The following SNX10 variants were observed in gnomAD, a reference collection of about 807,000 sequenced individuals.
The protein encoded by SNX10 is sorting nexin-10.
Under a neutral mutation model 28.5 loss-of-function variants are expected in SNX10, and 25 were observed. The observed-to-expected ratio is 0.88, with a 90% CI of 0.64 to 1.22. SNX10 has a LOEUF of 1.22. Ranked by LOEUF, SNX10 falls within the 50% of genes most tolerant of loss-of-function variation. SNX10 has a pLI of 0.00. For synonymous variants in SNX10, 62 were observed against 81.4 expected (o/e 0.76, Z 1.28); for missense variants, 223 against 242.6 (o/e 0.92, Z 0.54).
chr7:26,328,055 C>A (rs1169488608), intron 1 of SNX10, among the ~76,000 whole-genome samples: 1 of 152,088 alleles, frequency 6.6e-6, no homozygotes, highest in African/African-American at 2.4e-5. Flanking sequence ...ATTCAAAAAT[C>A]ATTTACTGAA....
At chr7:26,300,081 C>T (rs916788721) in intron 1 of SNX10, among the ~76,000 whole-genome samples, 4 of 152,020 alleles carry the variant, frequency 2.6e-5, no homozygotes, top group Non-Finnish European at 5.9e-5. Flanking sequence ...CATGGTGGTG[C>T]ATGCCTGTAA....
At chr7:26,343,458 A>G (rs1045051371) in intron 1 of SNX10, among the ~76,000 whole-genome samples, 1 of 152,202 alleles carries the variant, frequency 6.6e-6, no homozygotes, top group Non-Finnish European at 1.5e-5. Flanking sequence ...GTTTAATTAC[A>G]CAAGGAAACA....
At chr7:26,349,061 A>G (rs1788496662) in intron 2 of SNX10, among the ~76,000 whole-genome samples, 1 of 152,248 alleles carries the variant, frequency 6.6e-6, no homozygotes, top group South Asian at 2.1e-4. Flanking sequence ...CAAGCCTTTC[A>G]TATCCTAGTG....
intron 1 of SNX10, among the ~76,000 whole-genome samples, chr7:26,321,730 C>T (rs1787317142): frequency 6.6e-6 from 1 of 152,024 alleles, no homozygotes; most frequent in South Asian, 2.1e-4. Flanking sequence ...TCATTATCTT[C>T]TCCATCAGGG....
rs1562816995 is a variant in SNX10, at chr7:26,358,803, G to GTGTTTTTTTTTTTTTTTGTTTT, written c.25-2155_25-2154insGTTTTTGTTTTTTTTTTTTTTT. Among the ~76,000 whole-genome samples, 55 of 82,922 alleles carry GTGTTTTTTTTTTTTTTTGTTTT rather than the reference G, an allele frequency of 6.6e-4. 1 individual carries two copies. The East Asian group carries it at 0.012, about 18-fold the overall frequency. The allele number at this position is 82,922 out of a possible 152,430, so 54.4% of individuals were successfully genotyped here. On this transcript the variant is annotated intron_variant, in intron 2 of 6. Coordinates refer to ENST00000338523, the MANE Select transcript of SNX10 (RefSeq NM_013322.3). ...AAGAGCATCACTATAGTGTTATCTTGTGTTTTTTTTTTTTTTTTTTTGACC... is the reference window on the plus strand; with the variant it reads ...AAGAGCATCACTATAGTGTTATCTTGTGTTTTTTTTTTTTTTTGTTTTTGTTTTTTTTTTTTTTTTTTTGACC...
intron 1 of SNX10, among the ~76,000 whole-genome samples, chr7:26,317,172 T>G (rs1180750872): frequency 6.6e-6 from 1 of 152,162 alleles, no homozygotes; most frequent in East Asian, 1.9e-4. Flanking sequence ...ATTCTTATGA[T>G]AAGAGTTACA....
At chr7:26,345,159 T>C (rs1161031961) in intron 1 of SNX10, among the ~76,000 whole-genome samples, 1 of 152,212 alleles carries the variant, frequency 6.6e-6, no homozygotes, top group East Asian at 1.9e-4. Flanking sequence ...AAAGACTCTT[T>C]TTTCAAATAA....
intron 1 of SNX10, among the ~76,000 whole-genome samples, chr7:26,315,444 G>A (rs567364176): frequency 1.3e-4 from 20 of 152,168 alleles, no homozygotes; most frequent in African/African-American, 3.9e-4. Context: ...TGAGGTGGGC[G>A]GATCACAAGG....
chr7:26,340,119 T>C (rs571017103), intron 1 of SNX10, among the ~76,000 whole-genome samples: 1 of 152,282 alleles, frequency 6.6e-6, no homozygotes, highest in Non-Finnish European at 1.5e-5. Context: ...TTTTGGTCAG[T>C]AGTTTACTTG....
chr7:26,365,295 G>C, intron 5 of SNX10, 150 bp downstream of exon 5: 1 of 552,870 alleles, frequency 1.8e-6, no homozygotes, highest in East Asian at 2.8e-5. Context: ...TCCTATATTA[G>C]AGCACCATCT....
chr7:26,336,730 A>G (rs750030769), intron 1 of SNX10, among the ~76,000 whole-genome samples: 124 of 152,166 alleles, frequency 8.1e-4, no homozygotes, highest in Admixed American at 1.4e-3. Flanking sequence ...AATCAACAAT[A>G]CTGTTTGAAC....
intron 2 of SNX10, among the ~76,000 whole-genome samples, chr7:26,353,756 C>A (rs924843281): frequency 6.6e-6 from 1 of 152,108 alleles, no homozygotes; most frequent in African/African-American, 2.4e-5. Context: ...CCAGCCCACA[C>A]TGGTAAATTC....
At chr7:26,362,138 A>T (rs1186592478) in intron 3 of SNX10, among the ~76,000 whole-genome samples, 3 of 152,092 alleles carry the variant, frequency 2.0e-5, no homozygotes, top group African/African-American at 7.2e-5. Context: ...TAAAAGAAAA[A>T]CTCAGAACTG....
At chr7:26,329,715 C>T (rs112106746) in intron 1 of SNX10, among the ~76,000 whole-genome samples, 28 of 152,282 alleles carry the variant, frequency 1.8e-4, no homozygotes, top group African/African-American at 6.3e-4. Context: ...AGGCAATGAT[C>T]ACAGCGTTAC....
chr7:26,320,122 C>T (rs892305903), intron 1 of SNX10, among the ~76,000 whole-genome samples: 16 of 151,994 alleles, frequency 1.1e-4, no homozygotes, highest in African/African-American at 3.9e-4. Flanking sequence ...GCTGGGATTA[C>T]AGGTGCCCAC....
chr7:26,357,007 G>T, intron 2 of SNX10: 1 of 1,102,000 alleles, frequency 9.1e-7, no homozygotes. Flanking sequence ...ATTCCTACAG[G>T]CATTTATTTA....
intron 1 of SNX10, among the ~76,000 whole-genome samples, chr7:26,315,951 G>A (rs957473808): frequency 3.3e-5 from 5 of 151,950 alleles, no homozygotes; most frequent in Admixed American, 1.3e-4. Flanking sequence ...GGGAGGCTGA[G>A]GTGGGTGGAT....
intron 1 of SNX10, among the ~76,000 whole-genome samples, chr7:26,318,691 C>T (rs946725316): frequency 2.6e-5 from 4 of 152,250 alleles, no homozygotes; most frequent in African/African-American, 9.6e-5. Flanking sequence ...AGGCTGCTTT[C>T]GAACTTGAGA....
intron 1 of SNX10, among the ~76,000 whole-genome samples, chr7:26,341,135 A>C (rs549617033): frequency 5.3e-5 from 8 of 152,136 alleles, no homozygotes; most frequent in African/African-American, 1.4e-4. Context: ...CCATCTCTAC[A>C]AAAATTTAAA....
Sources: allele counts gnomAD v4.1 joint callset (sites outside exome capture counted in the v4.1 genomes callset), GRCh38; gene constraint gnomAD v4.1.1; transcripts MANE v1.5; gene names NCBI Gene and HGNC (gene_info 2026-07-23, HGNC 2026-07-21).